Variants in P2RX5 observed in about 807,000 individuals in gnomAD.
P2RX5 encodes P2X purinoceptor 5.
Under a neutral mutation model 54.1 loss-of-function variants are expected in P2RX5, and 46 were observed. The ratio of observed to expected loss-of-function variants is 0.85; its 90% confidence interval spans 0.67 to 1.09. The LOEUF (loss-of-function observed/expected upper bound fraction) is 1.09, where lower values mean the gene tolerates loss of function less well. Among genes scored for constraint, P2RX5 ranks in the 50% least tolerant of loss-of-function variants. The probability of loss-of-function intolerance (pLI) is 0.00; values close to 1 mark genes in which losing one functional copy is unlikely to be tolerated. For synonymous variants in P2RX5, 226 were observed against 226.4 expected (o/e 1.00, Z 0.02); for missense variants, 566 against 549.8 (o/e 1.03, Z -0.29).
chr17:3,681,030 C>A (rs170230), intron 10 of P2RX5, among the ~76,000 whole-genome samples: 1 of 142,926 alleles, frequency 7.0e-6, no homozygotes. Flanking sequence ...CTCCACCCTG[C>A]GTCCTCCACC....
the P2RX5 span, among the ~76,000 whole-genome samples, chr17:3,701,708 A>AAAAAT: frequency 6.9e-6 from 1 of 144,996 alleles, no homozygotes; most frequent in Non-Finnish European, 1.5e-5. Flanking sequence ...AAAAAAAAAA[A>AAAAAT]AAAAAAAAAA....
chr17:3,710,101 T>C, the P2RX5 span, among the ~76,000 whole-genome samples: 1 of 151,950 alleles, frequency 6.6e-6, no homozygotes, highest in South Asian at 2.1e-4. Context: ...ATTAGAGATG[T>C]GCACAGAATA....
chr17:3,708,454 G>GAA, the P2RX5 span, among the ~76,000 whole-genome samples: 64 of 145,290 alleles, frequency 4.4e-4, no homozygotes, highest in East Asian at 3.4e-3. Flanking sequence ...AAGCATAGAG[G>GAA]AAAAAAAAAA....
At chr17:3,680,480 T>A (rs1362851854) in intron 10 of P2RX5, among the ~76,000 whole-genome samples, 1 of 91,018 alleles carries the variant, frequency 1.1e-5, no homozygotes, top group Non-Finnish European at 2.0e-5. Flanking sequence ...TCCTCCACCC[T>A]GCATCCTCCA....
the P2RX5 span, among the ~76,000 whole-genome samples, chr17:3,704,985 A>G: frequency 6.6e-6 from 1 of 152,188 alleles, no homozygotes; most frequent in Admixed American, 6.5e-5. Flanking sequence ...CAGCCTGGAC[A>G]ACAAGAGCAA....
intron 11 of P2RX5, chr17:3,676,363 C>T: frequency 1.0e-6 from 1 of 985,444 alleles, no homozygotes; most frequent in Non-Finnish European, 1.2e-6. Context: ...GAGTTTTCGG[C>T]AAAATCAGGG....
intron 9 of P2RX5, among the ~76,000 whole-genome samples, chr17:3,683,491 G>A (rs1052454936): frequency 1.3e-5 from 2 of 152,218 alleles, no homozygotes; most frequent in Non-Finnish European, 2.9e-5. Context: ...CCAGCACTGG[G>A]AGGCCGAGGT....
At chr17:3,705,452 T>C in the P2RX5 span, among the ~76,000 whole-genome samples, 1 of 152,302 alleles carries the variant, frequency 6.6e-6, no homozygotes. Context: ...CTCTCCTCTG[T>C]TCTTCATGGC....
the P2RX5 span, among the ~76,000 whole-genome samples, chr17:3,711,128 G>T: frequency 6.6e-6 from 1 of 152,126 alleles, no homozygotes; most frequent in Non-Finnish European, 1.5e-5. Flanking sequence ...CACCTAAAAG[G>T]CAGCTTGTAG....
chr17:3,684,214 C>A (rs1026758146), intron 9 of P2RX5, among the ~76,000 whole-genome samples: 1 of 152,230 alleles, frequency 6.6e-6, no homozygotes, highest in African/African-American at 2.4e-5. Flanking sequence ...GCCTTTCAGT[C>A]GGGTGGTTCT....
the P2RX5 span, among the ~76,000 whole-genome samples, chr17:3,706,784 G>A: frequency 6.6e-6 from 1 of 152,184 alleles, no homozygotes; most frequent in African/African-American, 2.4e-5. Flanking sequence ...GCTAATTTTT[G>A]TATTCTTAGT....
upstream of P2RX5, among the ~76,000 whole-genome samples, chr17:3,699,902 G>GA (rs1567744356): frequency 8.6e-5 from 3 of 34,936 alleles, no homozygotes; most frequent in East Asian, 1.7e-3. Context: ...AGGAAGGAAG[G>GA]AAGGAAGGAA....
chr17:3,689,587 A>T lies in P2RX5; in HGVS notation c.658T>A (p.Cys220Ser). Residue 220 changes from cysteine (C) to serine (S), a missense_variant, in exon 7 of 12, where the codon TGC becomes AGC. Physicochemically the swap from Cys to Ser is moderately radical, Grantham distance 112. Coordinates refer to ENST00000225328, the MANE Select transcript of P2RX5 (RefSeq NM_002561.4). ...DVKDRSFLKS[C>S]HFGPKNHYCP... is the part of the protein sequence containing the mutation. ...TAGTGGTTCTTGGGGCCAAAGTGGC[A>T]TGATTTCAGGAAAGATCTGTCCTTG... 1 of 1,614,204 alleles carries T rather than the reference A, an allele frequency of 6.2e-7. No individual in the cohort carries two copies. The highest frequency in any genetic ancestry group is 8.5e-7 in the Non-Finnish European group (1 of 1,180,028).
chr17:3,688,320 T>C (rs1270366491), intron 8 of P2RX5, among the ~76,000 whole-genome samples: 5 of 152,154 alleles, frequency 3.3e-5, no homozygotes, highest in African/African-American at 1.2e-4. Flanking sequence ...GAGCAAGGGC[T>C]TCCCCACCCT....
intron 11 of P2RX5, chr17:3,676,526 G>A (rs1345750442): frequency 4.1e-6 from 4 of 985,306 alleles, no homozygotes; most frequent in Middle Eastern, 5.2e-4. Context: ...GCATACTGCT[G>A]CTTTCAGGGT....
chr17:3,677,586 C>G, intron 11 of P2RX5: 2 of 985,412 alleles, frequency 2.0e-6, no homozygotes, highest in Non-Finnish European at 2.4e-6. Context: ...ATTTCGGAAA[C>G]CCTGCTAGAG....
chr17:3,699,803 TAAGAAAGA>T (rs200965100), upstream of P2RX5, among the ~76,000 whole-genome samples: 1 of 87,248 alleles, frequency 1.1e-5, no homozygotes, highest in Admixed American at 1.1e-4. Context: ...ATACTCCATC[TAAGAAAGA>T]AAGAAAGAGA....
At position 3,691,788 on chromosome 17, in the gene P2RX5, C is replaced by A. The variant is rs1328143334; in HGVS notation, c.144G>T (p.Val48=). The part of the protein sequence containing the change: ...ASILAYLVVW[V]FLIKKGYQDV... ...CTTGGTAACCCTTCTTTATCAGGAA[C>A]ACCCATCTGTGGGAAGGGGGCCGGT... Residue 48 remains valine (V), a synonymous_variant, in exon 2 of 12, where the codon GTG becomes GTT. Coordinates refer to ENST00000225328, the MANE Select transcript of P2RX5 (RefSeq NM_002561.4). The A allele has an allele frequency of 8.1e-6, 13 of 1,614,042 alleles. No individual in the cohort carries two copies. The highest frequency in any genetic ancestry group is 1.1e-5 in the Non-Finnish European group (13 of 1,180,042).
chr17:3,702,305 T>A, the P2RX5 span, among the ~76,000 whole-genome samples: 1 of 145,618 alleles, frequency 6.9e-6, no homozygotes, highest in South Asian at 2.3e-4. Flanking sequence ...GCATTCTATG[T>A]CTAGCTAAAG....
Sources: allele counts gnomAD v4.1 joint callset (sites outside exome capture counted in the v4.1 genomes callset), GRCh38; gene constraint gnomAD v4.1.1; transcripts MANE v1.5; gene names NCBI Gene and HGNC (gene_info 2026-07-23, HGNC 2026-07-21).